The following GDA variants were observed in gnomAD, a reference collection of about 807,000 sequenced individuals.
The protein encoded by GDA is guanine deaminase.
A neutral mutation model predicts 59.6 loss-of-function variants in GDA; 18 were observed. That is an observed-to-expected ratio of 0.30 (90% confidence interval 0.21 to 0.45). The LOEUF (loss-of-function observed/expected upper bound fraction) is 0.45. GDA is among the 20% of genes least tolerant of loss of function. GDA has a pLI of 1.00. For missense variants in GDA, 427 were observed against 552.3 expected (o/e 0.77, Z 2.27); for synonymous variants, 201 against 201.1 (o/e 1.00, Z 0.00).
intron 1 of GDA, among the ~76,000 whole-genome samples, chr9:72,174,744 TTATATATA>T (rs146059487): frequency 6.7e-6 from 1 of 149,476 alleles, no homozygotes; most frequent in African/African-American, 2.5e-5. Context: ...ACTGTTGAGG[TTATATATA>T]TATATATATA....
Position 72,150,074 on chromosome 9 carries a change from G to A in GDA, c.123+392G>A, listed in dbSNP as rs1168160914. 2.0e-5 allele frequency among the ~76,000 whole-genome samples: 3 copies of A among 152,094 alleles called. No individual in the cohort carries two copies. The East Asian group carries it at 5.8e-4, about 29-fold the overall frequency. Reference sequence around the variant, plus strand: ...ACCTAGCACTGTGCCTGGCACAGGAGGCTCTCCATAAATGTGGTTGAATTT... The same window carrying A: ...ACCTAGCACTGTGCCTGGCACAGGAAGCTCTCCATAAATGTGGTTGAATTT... On this transcript the variant is annotated intron_variant, in intron 1 of 13. Coordinates refer to ENST00000358399, the MANE Select transcript of GDA (RefSeq NM_004293.5).
upstream of GDA, among the ~76,000 whole-genome samples, chr9:72,145,428 C>T (rs928673515): frequency 6.6e-6 from 1 of 152,228 alleles, no homozygotes; most frequent in African/African-American, 2.4e-5. Context: ...GTTTCCCCAT[C>T]TGTGGAATGT....
chr9:72,120,191 C>CTT (rs202118778), intron 1 of GDA, among the ~76,000 whole-genome samples: 26,904 of 145,112 alleles, frequency 0.19, 3,406 homozygotes, highest in East Asian at 0.49. Flanking sequence ...ATGCAGCATT[C>CTT]TTTTTTTTTT....
intron 1 of GDA, among the ~76,000 whole-genome samples, chr9:72,160,883 A>C (rs556836796): frequency 6.6e-6 from 1 of 152,124 alleles, no homozygotes; most frequent in Admixed American, 6.5e-5. Flanking sequence ...TACACATTTC[A>C]AGACTAAATT....
chr9:72,219,582 T>A (rs1836596724), intron 6 of GDA, 76 bp downstream of exon 6: 1 of 1,049,562 alleles, frequency 9.5e-7, no homozygotes, highest in Admixed American at 2.0e-5. Flanking sequence ...TGCTTGATAG[T>A]GATTAGTCTG....
intron 10 of GDA, among the ~76,000 whole-genome samples, chr9:72,236,425 A>G (rs1388411060): frequency 6.6e-6 from 1 of 152,150 alleles, no homozygotes; most frequent in Admixed American, 6.5e-5. Flanking sequence ...TTCTAGTTTA[A>G]GGCCTCCCTC....
At chr9:72,219,394 C>T in intron 5 of GDA, 85 bp from the exon 6 acceptor site, 1 of 994,644 alleles carries the variant, frequency 1.0e-6, no homozygotes, top group Non-Finnish European at 1.5e-6. Context: ...CAGAGCCAGA[C>T]TCTGTCTGAA....
intron 1 of GDA, among the ~76,000 whole-genome samples, chr9:72,176,793 T>G (rs1830584286): frequency 6.6e-6 from 1 of 152,218 alleles, no homozygotes; most frequent in Non-Finnish European, 1.5e-5. Flanking sequence ...TAATCTTAAC[T>G]TTTCTCTTCT....
At chr9:72,135,299 CAAT>C (rs1213011564) in intron 1 of GDA, among the ~76,000 whole-genome samples, 1 of 151,574 alleles carries the variant, frequency 6.6e-6, no homozygotes, top group Non-Finnish European at 1.5e-5. Flanking sequence ...TAAAAAATAG[CAAT>C]AATATTTTGA....
intron 5 of GDA, chr9:72,214,687 C>G (rs1194465635): frequency 3.2e-6 from 1 of 310,052 alleles, no homozygotes; most frequent in Admixed American, 4.7e-5. Context: ...AGCCAGAATT[C>G]AAAACCAGGG....
At chr9:72,223,490 C>T (rs1014179918) in intron 7 of GDA, among the ~76,000 whole-genome samples, 1 of 152,134 alleles carries the variant, frequency 6.6e-6, no homozygotes, top group East Asian at 1.9e-4. Flanking sequence ...ACAAGAAAAT[C>T]GTTTTAAGTA....
intron 1 of GDA, among the ~76,000 whole-genome samples, chr9:72,153,307 GT>G (rs1827460723): frequency 6.6e-6 from 1 of 152,072 alleles, no homozygotes; most frequent in Admixed American, 6.5e-5. Context: ...CTTTAAAGTA[GT>G]TTTTTCCAAT....
At chr9:72,147,299 C>T (rs1044072352), upstream of GDA, among the ~76,000 whole-genome samples, 10 of 152,158 alleles carry the variant, frequency 6.6e-5, no homozygotes, top group Non-Finnish European at 1.3e-4. Flanking sequence ...CCTCCGCCTC[C>T]GGGGTTCAAG....
intron 1 of GDA, among the ~76,000 whole-genome samples, chr9:72,190,346 C>T (rs1364694834): frequency 6.6e-6 from 1 of 152,086 alleles, no homozygotes; most frequent in Non-Finnish European, 1.5e-5. Context: ...AGGCTGGTCT[C>T]GAATTCCTGA....
At chr9:72,166,891 T>C (rs985086538) in intron 1 of GDA, among the ~76,000 whole-genome samples, 5 of 152,184 alleles carry the variant, frequency 3.3e-5, no homozygotes, top group African/African-American at 9.6e-5. Flanking sequence ...TAATGCCAAT[T>C]TGGTGCTTAG....
intron 4 of GDA, among the ~76,000 whole-genome samples, chr9:72,212,742 G>C (rs1312197788): frequency 1.3e-5 from 2 of 152,114 alleles, no homozygotes; most frequent in Non-Finnish European, 2.9e-5. Context: ...GACCATGATA[G>C]AGAGAGGGAG....
chr9:72,152,122 AT>A (rs1226228163), intron 1 of GDA, among the ~76,000 whole-genome samples: 1 of 152,134 alleles, frequency 6.6e-6, no homozygotes, highest in Admixed American at 6.6e-5. Flanking sequence ...GGTGGATTAC[AT>A]TTTGAATAAC....
In GDA at chr9:72,241,231, T is replaced by A. The variant is rs1253952165; in HGVS notation, c.1068T>A (p.Asn356Lys). ...AVMVSNILLI[N>K]KVNEKSLTLK... is the part of the protein sequence containing the mutation. ...TGGTTTCCAATATCCTTTTAATTAA[T>A]AAGGTAAATGAGAAAAGCCTCACCC... Residue 356 changes from asparagine (N) to lysine (K), a missense_variant, in exon 11 of 14, where the codon AAT (asparagine) becomes AAA (lysine). Asn to Lys is a moderately conservative substitution (Grantham distance 94). Coordinates refer to ENST00000358399, the MANE Select transcript of GDA (RefSeq NM_004293.5). The A allele has an allele frequency of 6.2e-7, 1 of 1,608,802 alleles. No homozygotes were observed.
At chr9:72,238,088 G>A (rs554377735) in intron 10 of GDA, among the ~76,000 whole-genome samples, 30 of 152,236 alleles carry the variant, frequency 2.0e-4, no homozygotes, top group South Asian at 6.2e-4. Flanking sequence ...GGCCCACAAA[G>A]CTCTGCAATG....
Sources: gnomAD v4.1 joint callset for allele counts (sites outside exome capture counted in the v4.1 genomes callset) on GRCh38, gnomAD v4.1.1 for gene constraint, MANE v1.5 for transcripts, NCBI Gene and HGNC (gene_info 2026-07-23, HGNC 2026-07-21) for gene names.